The following CROCC2 variants were observed in gnomAD, a reference collection of about 807,000 sequenced individuals.
The protein encoded by CROCC2 is ciliary rootlet coiled-coil, rootletin family member 2, also known as ciliary rootlet coiled-coil protein 2.
A neutral mutation model predicts 177.6 loss-of-function variants in CROCC2; 163 were observed. The observed-to-expected ratio is 0.92, with a 90% CI of 0.81 to 1.05. CROCC2 has a LOEUF of 1.05. CROCC2 is among the 50% of genes least tolerant of loss of function. The pLI, the probability that CROCC2 is intolerant of heterozygous loss-of-function variation, is 0.00. For missense variants in CROCC2, 1,929 were observed against 1,797.8 expected (o/e 1.07, Z -1.32); for synonymous variants, 904 against 787.3 (o/e 1.15, Z -2.48).
chr2:240,939,919 T>C (rs985206777), intron 14 of CROCC2, among the ~76,000 whole-genome samples: 1 of 152,222 alleles, frequency 6.6e-6, no homozygotes, highest in Non-Finnish European at 1.5e-5. Context: ...TCTGTATTAT[T>C]TGAATGGATT....
intron 1 of CROCC2, among the ~76,000 whole-genome samples, chr2:240,909,407 T>G (rs868065642): frequency 2.0e-4 from 31 of 152,238 alleles, no homozygotes; most frequent in African/African-American, 7.5e-4. Flanking sequence ...CTCGGCCAGC[T>G]CTGCCTGGGT....
Position 240,973,594 on chromosome 2 carries a change from G to C in CROCC2, c.4401+5332G>C, listed in dbSNP as rs552453710. ...CCAGTGCCAGCCTTGCAGGTCACCC[G>C]CCTGTGGGGGCTCAACTCAGCGTCA... On this transcript the variant is annotated intron_variant, in intron 27 of 31. Transcript: ENST00000690015. This position sits in a 1 kb window ranked among gnomAD's most constrained non-coding sequence, Gnocchi z 4.7. Among the ~76,000 whole-genome samples the C allele has an allele frequency of 6.8e-6, 1 of 146,286 alleles. No individual in the cohort carries two copies. Among genetic ancestry groups the C allele is most frequent in the Non-Finnish European group, 1.5e-5 (1 of 66,688 alleles).
chr2:240,945,529 C>G (rs1424577558), intron 14 of CROCC2, among the ~76,000 whole-genome samples: 1 of 152,158 alleles, frequency 6.6e-6, no homozygotes, highest in Non-Finnish European at 1.5e-5. Context: ...CTTAAATGAG[C>G]AAATGCCTTG....
intron 20 of CROCC2, among the ~76,000 whole-genome samples, chr2:240,961,691 T>A (rs1308476499): frequency 7.3e-6 from 1 of 136,092 alleles, no homozygotes; most frequent in Non-Finnish European, 1.5e-5. Flanking sequence ...TGCACAGGCA[T>A]ACGGACGTGC....
At chr2:240,967,524 A>G in intron 26 of CROCC2, 59 bp downstream of exon 26, 3 of 1,521,608 alleles carry the variant, frequency 2.0e-6, no homozygotes, top group Non-Finnish European at 2.7e-6. Context: ...TGGCACCACC[A>G]TGTCCCCACT....
intron 29 of CROCC2, among the ~76,000 whole-genome samples, 200 bp downstream of exon 29, chr2:240,989,070 A>G (rs1436212697): frequency 2.6e-5 from 4 of 152,104 alleles, no homozygotes; most frequent in Admixed American, 6.6e-5. Flanking sequence ...TGGAACCAGG[A>G]CCCAAGGCTC....
At chr2:240,941,685 T>A (rs1433099577) in intron 14 of CROCC2, among the ~76,000 whole-genome samples, 1 of 152,236 alleles carries the variant, frequency 6.6e-6, no homozygotes, top group Non-Finnish European at 1.5e-5. Context: ...CCTAAAATTA[T>A]GATATGCACA....
chr2:240,962,080 T>A (rs66919499), intron 20 of CROCC2, among the ~76,000 whole-genome samples: 28,294 of 89,280 alleles, frequency 0.32, 2,934 homozygotes, highest in Non-Finnish European at 0.38. Context: ...GCACTCACAC[T>A]CACACACACA....
chr2:240,913,254 C>T (rs2059299547), intron 1 of CROCC2, among the ~76,000 whole-genome samples: 2 of 151,066 alleles, frequency 1.3e-5, no homozygotes, highest in Non-Finnish European at 1.5e-5. Context: ...CCTGGAGATG[C>T]ACCCCCTCCA....
At chr2:240,907,060 G>C (rs1291468529) in intron 1 of CROCC2, among the ~76,000 whole-genome samples, 1 of 152,154 alleles carries the variant, frequency 6.6e-6, no homozygotes, top group Non-Finnish European at 1.5e-5. Context: ...GCGCACTGGG[G>C]TGGGGATGGG....
At chr2:240,964,684 G>C in intron 22 of CROCC2, 59 bp downstream of exon 22, 14 of 1,515,256 alleles carry the variant, frequency 9.2e-6, no homozygotes, top group Admixed American at 2.0e-5. Context: ...GGTGGGTCCC[G>C]GCTCCTCCCA....
intron 28 of CROCC2, chr2:240,986,023 C>G: frequency 2.2e-6 from 1 of 452,142 alleles, no homozygotes; most frequent in Non-Finnish European, 4.5e-6. Flanking sequence ...CAGTTGGGCT[C>G]CTCCCTGATG....
At chr2:240,986,720 G>A (rs2059842799) in intron 28 of CROCC2, among the ~76,000 whole-genome samples, 1 of 152,200 alleles carries the variant, frequency 6.6e-6, no homozygotes, top group Admixed American at 6.5e-5. Flanking sequence ...GCTGTGTGCT[G>A]CTGAGGCCCT....
At chr2:240,942,826 A>G (rs1373541635) in intron 14 of CROCC2, among the ~76,000 whole-genome samples, 4 of 152,242 alleles carry the variant, frequency 2.6e-5, no homozygotes, top group African/African-American at 9.6e-5. Flanking sequence ...AGTTAGCCCT[A>G]AACTCCAGGT....
chr2:240,963,935 C>A, intron 21 of CROCC2, 162 bp downstream of exon 21: 1 of 725,136 alleles, frequency 1.4e-6, no homozygotes, highest in Non-Finnish European at 2.3e-6. Context: ...CTGCCCAGTC[C>A]AAGAGGTCTG....
chr2:240,941,634 A>C (rs532836281), intron 14 of CROCC2, among the ~76,000 whole-genome samples: 1 of 152,358 alleles, frequency 6.6e-6, no homozygotes, highest in African/African-American at 2.4e-5. Flanking sequence ...CACATGTAGA[A>C]GAATGAAACT....
chr2:240,983,096 G>C (rs965971070), intron 28 of CROCC2, 67 bp downstream of exon 28: 1 of 1,433,554 alleles, frequency 7.0e-7, no homozygotes. Context: ...ACAGGGAAGA[G>C]GCCCTGTGGT....
chr2:240,940,429 C>T (rs1411384697), intron 14 of CROCC2, among the ~76,000 whole-genome samples: 4 of 151,880 alleles, frequency 2.6e-5, no homozygotes, highest in Admixed American at 6.6e-5. Context: ...TTAGTGTTTC[C>T]GTGGTATATC....
intron 25 of CROCC2, among the ~76,000 whole-genome samples, chr2:240,966,687 A>C (rs898741553): frequency 6.6e-6 from 1 of 151,996 alleles, no homozygotes. Context: ...TCTGCAACTC[A>C]TGCCACCCCT....
Sources: allele counts gnomAD v4.1 joint callset (sites outside exome capture counted in the v4.1 genomes callset), GRCh38; gene constraint gnomAD v4.1.1; non-coding constraint Gnocchi (gnomAD v3.1); transcripts MANE v1.5; gene names NCBI Gene and HGNC (gene_info 2026-07-23, HGNC 2026-07-21).